The following LRRC41 variants were observed in gnomAD, a reference collection of about 807,000 sequenced individuals.
LRRC41 encodes the protein leucine-rich repeat-containing protein 41.
Under a neutral mutation model 72.1 loss-of-function variants are expected in LRRC41, and 17 were observed. That is an observed-to-expected ratio of 0.24 (90% CI 0.16 to 0.35). The LOEUF (loss-of-function observed/expected upper bound fraction) is 0.35, where lower values mean the gene tolerates loss of function less well. Ranked by LOEUF, LRRC41 falls within the 10% of genes least tolerant of loss-of-function variation. The pLI, the probability that LRRC41 is intolerant of heterozygous loss-of-function variation, is 1.00. For missense variants in LRRC41, 759 were observed against 1,065.0 expected (o/e 0.71, Z 4.00); for synonymous variants, 427 against 431.0 (o/e 0.99, Z 0.11).
At chr1:46,298,508 A>C (rs1355657135) in intron 1 of LRRC41, 138 bp from the exon 2 acceptor site, 1 of 573,890 alleles carries the variant, frequency 1.7e-6, no homozygotes, top group African/African-American at 1.9e-5. Context: ...TCTAGAAGCT[A>C]ATCTAGATCT....
At chr1:46,299,283 A>T (rs1661181180) in intron 1 of LRRC41, 1 of 152,692 alleles carries the variant, frequency 6.5e-6, no homozygotes, top group Non-Finnish European at 1.5e-5. Context: ...GGCTGGGCAC[A>T]GTGGTTCACA....
intron 4 of LRRC41, among the ~76,000 whole-genome samples, chr1:46,282,351 G>T (rs1008453051): frequency 6.6e-6 from 1 of 152,246 alleles, no homozygotes; most frequent in Non-Finnish European, 1.5e-5. Flanking sequence ...TAGGATCCAG[G>T]AAGGTTGGTT....
chr1:46,289,283 C>G (rs1475960776), intron 3 of LRRC41, among the ~76,000 whole-genome samples: 1 of 152,182 alleles, frequency 6.6e-6, no homozygotes, highest in Non-Finnish European at 1.5e-5. Context: ...GTAATTTAGG[C>G]AAGTCATTTC....
At chr1:46,290,394 A>G (rs907212657) in intron 3 of LRRC41, among the ~76,000 whole-genome samples, 5 of 152,166 alleles carry the variant, frequency 3.3e-5, no homozygotes, top group African/African-American at 1.2e-4. Context: ...GGGCAACTGG[A>G]GTGAGACCGT....
At chr1:46,292,685 G>C (rs775330028) in intron 3 of LRRC41, among the ~76,000 whole-genome samples, 8 of 152,032 alleles carry the variant, frequency 5.3e-5, no homozygotes, top group Admixed American at 4.6e-4. Context: ...ATTTTACTGG[G>C]ATATTTGTCT....
chr1:46,302,769 G>T lies in LRRC41; in HGVS notation c.199+355C>A. The T allele has an allele frequency of 4.1e-6, 4 of 985,120 alleles. No individual in the cohort carries two copies. The highest frequency in any genetic ancestry group is 4.8e-6 in the Non-Finnish European group (4 of 829,824). 61.0% of individuals were successfully genotyped at this position (985,120 alleles called of 1,614,324 possible). A position where few individuals can be genotyped will look rare whatever the true frequency, so the allele number is the denominator to read the frequency against. On this transcript the variant is annotated intron_variant, in intron 1 of 9. Transcript: ENST00000617190. The surrounding 1 kb of genome is among the most constrained non-coding windows in gnomAD (Gnocchi z 4.7). Reference sequence around the variant, plus strand: ...CCGGGCCATCGCTGCCCACCGGTTCGACATCCGAGACTCTCCTGCCCGGCC... The same window carrying T: ...CCGGGCCATCGCTGCCCACCGGTTCTACATCCGAGACTCTCCTGCCCGGCC...
At position 46,278,571 on chromosome 1, in the gene LRRC41, A is replaced by G; in HGVS notation, c.*294T>C. ...GCTTGAGGAGGGAAGGCAGGAACCCAGGGGCAGGGGAGGGGATCTCTTCAG... is the reference window on the plus strand; with the variant it reads ...GCTTGAGGAGGGAAGGCAGGAACCCGGGGGCAGGGGAGGGGATCTCTTCAG... On this transcript the variant is annotated 3_prime_UTR_variant, in exon 10 of 10. Transcript: ENST00000617190. 4 of 608,320 alleles carry G rather than the reference A, an allele frequency of 6.6e-6. No homozygotes were observed. The highest frequency in any genetic ancestry group is 2.1e-5 in the South Asian group (1 of 48,762). The allele number at this position is 608,320 out of a possible 1,614,324, so 37.7% of individuals were successfully genotyped here.
intron 1 of LRRC41, chr1:46,298,600 A>C: frequency 2.4e-6 from 1 of 419,378 alleles, no homozygotes; most frequent in Non-Finnish European, 4.3e-6. Context: ...CATCCCACAA[A>C]ACAAGCTGAC....
At chr1:46,292,588 T>C (rs6692339) in intron 3 of LRRC41, among the ~76,000 whole-genome samples, 2,877 of 152,336 alleles carry the variant, frequency 0.019, 84 homozygotes, top group African/African-American at 0.064. Context: ...GGGATTTTAC[T>C]TTCTCACTTT....
chr1:46,281,090 C>G, intron 5 of LRRC41, 35 bp downstream of exon 5: 2 of 1,608,390 alleles, frequency 1.2e-6, no homozygotes, highest in Non-Finnish European at 1.7e-6. Flanking sequence ...GATACACGTG[C>G]GTGCACACAC....
chr1:46,281,078 G>T, intron 5 of LRRC41, 47 bp downstream of exon 5: 1 of 1,599,642 alleles, frequency 6.3e-7, no homozygotes, highest in South Asian at 1.1e-5. Context: ...CCTTTGTGTG[G>T]GGATACACGT....
intron 3 of LRRC41, among the ~76,000 whole-genome samples, chr1:46,294,057 G>A (rs1661071840): frequency 6.6e-6 from 1 of 150,648 alleles, no homozygotes; most frequent in Non-Finnish European, 1.5e-5. Context: ...CACCACACCT[G>A]CCTGTTGGTT....
Position 46,285,856 on chromosome 1 carries a change from C to T in LRRC41, c.1001G>A (p.Gly334Asp), listed in dbSNP as rs757721840. Residue 334 changes from glycine (G) to aspartate (D), a missense_variant, in exon 4 of 10, where the codon GGC (glycine) becomes GAC (aspartate). Coordinates refer to ENST00000617190, the MANE Select transcript of LRRC41 (RefSeq NM_006369.5). This position sits in a 1 kb window ranked among gnomAD's most constrained non-coding sequence, Gnocchi z 5.3. ...RRSTQESLTA[G>D]GTDLKRELHP... ...CAGCTCCCTCTTAAGGTCTGTTCCG[C>T]CTGCTGTCAGGCTCTCCTGTGTGCT... 4 of 1,586,384 alleles carry T rather than the reference C, an allele frequency of 2.5e-6. No homozygotes were observed. The Admixed American group carries it at 5.5e-5, about 22-fold the overall frequency.
rs1319674068 is a variant in LRRC41, at chr1:46,302,357, C to T, written c.199+767G>A. The T allele has an allele frequency of 2.0e-6, 2 of 985,332 alleles. No individual in the cohort carries two copies. The highest frequency in any genetic ancestry group is 1.1e-4 in the East Asian group (1 of 8,806). 61.0% of individuals were successfully genotyped at this position (985,332 alleles called of 1,614,324 possible). A position where few individuals can be genotyped will look rare whatever the true frequency, so the allele number is the denominator to read the frequency against. On this transcript the variant is annotated intron_variant, in intron 1 of 9. Transcript: ENST00000617190. The surrounding 1 kb of genome is among the most constrained non-coding windows in gnomAD (Gnocchi z 4.7). The stretch of plus-strand genomic sequence containing the variant: ...TTAAGCCGCTCCGGGCCCCCCTCCA[C>T]TCGCTCTCCGGTCCCTCCTCGCCGC...
chr1:46,281,515 A>G, intron 4 of LRRC41, 130 bp from the exon 5 acceptor site: 1 of 890,094 alleles, frequency 1.1e-6, no homozygotes, highest in South Asian at 1.8e-5. Flanking sequence ...ATTTAAACCC[A>G]TTTGTCTTAA....
intron 3 of LRRC41, among the ~76,000 whole-genome samples, chr1:46,292,399 C>G (rs1038155961): frequency 5.3e-5 from 8 of 152,066 alleles, no homozygotes; most frequent in Non-Finnish European, 8.8e-5. Flanking sequence ...ATCCAGCCAG[C>G]CTAGATATTT....
chr1:46,289,587 C>T (rs890013081), intron 3 of LRRC41, among the ~76,000 whole-genome samples: 1 of 151,950 alleles, frequency 6.6e-6, no homozygotes, highest in African/African-American at 2.4e-5. Flanking sequence ...ACGGTGAAAC[C>T]CTGTCTCTAC....
chr1:46,302,846 C>T lies in LRRC41; in HGVS notation c.199+278G>A. 1.0e-6 allele frequency: 1 copy of T among 985,354 alleles called. No individual in the cohort carries two copies. Among genetic ancestry groups the T allele is most frequent in the Non-Finnish European group, 1.2e-6 (1 of 829,896 alleles). The allele number at this position is 985,354 out of a possible 1,614,324, so 61.0% of individuals were successfully genotyped here. A position where few individuals can be genotyped will look rare whatever the true frequency, so the allele number is the denominator to read the frequency against. On this transcript the variant is annotated intron_variant, in intron 1 of 9. Coordinates refer to ENST00000617190, the MANE Select transcript of LRRC41 (RefSeq NM_006369.5). This position sits in a 1 kb window ranked among gnomAD's most constrained non-coding sequence, Gnocchi z 4.7. Reference sequence around the variant, plus strand: ...ACAGCCGCAATCCAGCCTCAGTCGCCCGGGCCCAGCCTGCTTCGCTCCAGA... The same window carrying T: ...ACAGCCGCAATCCAGCCTCAGTCGCTCGGGCCCAGCCTGCTTCGCTCCAGA...
At position 46,302,733 on chromosome 1, in the gene LRRC41, C is replaced by A. The variant is rs1466492815; in HGVS notation, c.199+391G>T. On this transcript the variant is annotated intron_variant, in intron 1 of 9. Transcript: ENST00000617190. The surrounding 1 kb of genome is among the most constrained non-coding windows in gnomAD (Gnocchi z 4.7). Reference sequence around the variant, plus strand: ...CCGGGCCTCCTAACCTCGGCCCCTGCCCTAGGGCAGCCGGGCCATCGCTGC... The same window carrying A: ...CCGGGCCTCCTAACCTCGGCCCCTGACCTAGGGCAGCCGGGCCATCGCTGC... 2 of 985,106 alleles carry A rather than the reference C, an allele frequency of 2.0e-6. No homozygotes were observed. The highest frequency in any genetic ancestry group is 3.5e-5 in the African/African-American group (2 of 57,204). The allele number at this position is 985,106 out of a possible 1,614,324, so 61.0% of individuals were successfully genotyped here.
Sources: allele counts gnomAD v4.1 joint callset (sites outside exome capture counted in the v4.1 genomes callset), GRCh38; gene constraint gnomAD v4.1.1; non-coding constraint Gnocchi (gnomAD v3.1); transcripts MANE v1.5; gene names NCBI Gene and HGNC (gene_info 2026-07-23, HGNC 2026-07-21).